Variants in ALK observed in about 807,000 individuals in gnomAD.
ALK encodes ALK receptor tyrosine kinase.
Under a neutral mutation model 163.1 loss-of-function variants are expected in ALK, and 74 were observed. The ratio of observed to expected loss-of-function variants is 0.45; its 90% CI spans 0.38 to 0.55. The LOEUF is 0.55. ALK is among the 20% of genes least tolerant of loss of function. The pLI, the probability that ALK is intolerant of heterozygous loss-of-function variation, is 0.00. For missense variants in ALK, 2,063 were observed against 2,105.3 expected (o/e 0.98, Z 0.39); for synonymous variants, 960 against 843.2 (o/e 1.14, Z -2.40).
At chr2:29,290,054 T>C (rs1373631769) in intron 9 of ALK, among the ~76,000 whole-genome samples, 1 of 152,148 alleles carries the variant, frequency 6.6e-6, no homozygotes, top group African/African-American at 2.4e-5. Flanking sequence ...CTGCAGTAAA[T>C]GTTGGTGGAC....
At chr2:29,559,261 A>G (rs977930193) in intron 3 of ALK, among the ~76,000 whole-genome samples, 56 of 152,138 alleles carry the variant, frequency 3.7e-4, no homozygotes, top group African/African-American at 1.3e-3. Flanking sequence ...CTCACTCTGT[A>G]GGTGGTTTTG....
chr2:29,863,292 G>C (rs1033716836), intron 1 of ALK, among the ~76,000 whole-genome samples: 16 of 152,174 alleles, frequency 1.1e-4, no homozygotes, highest in Admixed American at 6.5e-5. Flanking sequence ...AAGTTAAGCT[G>C]CTTCTACACA....
chr2:29,321,013 G>A (rs1667026263), intron 6 of ALK, 131 bp from the exon 7 acceptor site: 3 of 1,144,680 alleles, frequency 2.6e-6, no homozygotes, highest in South Asian at 2.5e-5. Context: ...CCAGAATGCT[G>A]GATGACTAAT....
intron 4 of ALK, among the ~76,000 whole-genome samples, chr2:29,428,763 T>C (rs1271008312): frequency 1.3e-5 from 2 of 152,028 alleles, no homozygotes; most frequent in Non-Finnish European, 2.9e-5. Context: ...CATTCTACGA[T>C]GTCAGTATTA....
chr2:29,364,118 A>G (rs531591015), intron 5 of ALK, among the ~76,000 whole-genome samples: 3 of 152,300 alleles, frequency 2.0e-5, no homozygotes, highest in East Asian at 3.9e-4. Context: ...TTGAATTAGA[A>G]TCCTTCATGG....
chr2:29,672,717 G>A (rs1023749391), intron 3 of ALK, among the ~76,000 whole-genome samples: 2 of 152,102 alleles, frequency 1.3e-5, no homozygotes, highest in East Asian at 1.9e-4. Context: ...CGGTCAAATG[G>A]TATTTCTACT....
rs57598066 is a variant in ALK at position 29,332,285 on chromosome 2, CAAAAAAAAAAAAAAAAAAAAA to C, written c.1283-3825_1283-3805del. ...TAGGAGACAGAGTGAGACTCCATCT[CAAAAAAAAAAAAAAAAAAAAA>C]AAAAAAAAAAAAAAAAAAGTCTATG... On this transcript the variant is annotated intron_variant, in intron 5 of 28. Transcript: ENST00000389048. Among the ~76,000 whole-genome samples the C allele has an allele frequency of 4.4e-4, 8 of 18,358 alleles. 1 individual carries two copies. The highest frequency in any genetic ancestry group is 4.1e-3 in the South Asian group (2 of 482). 12.0% of individuals were successfully genotyped at this position (18,358 alleles called of 152,430 possible).
intron 4 of ALK, among the ~76,000 whole-genome samples, chr2:29,438,912 C>T (rs901154031): frequency 6.6e-6 from 1 of 152,180 alleles, no homozygotes; most frequent in African/African-American, 2.4e-5. Context: ...GATGCCAGTT[C>T]TTCCCTAGGG....
At chr2:29,643,039 A>C (rs907470620) in intron 3 of ALK, among the ~76,000 whole-genome samples, 5 of 152,138 alleles carry the variant, frequency 3.3e-5, no homozygotes, top group Non-Finnish European at 5.9e-5. Context: ...ACCTAATAGA[A>C]AGTAAGAAGT....
intron 9 of ALK, among the ~76,000 whole-genome samples, chr2:29,279,287 A>T (rs1665646726): frequency 6.6e-6 from 1 of 152,186 alleles, no homozygotes; most frequent in South Asian, 2.1e-4. Flanking sequence ...CATCAGGAAG[A>T]TTCAATCAGA....
intron 2 of ALK, among the ~76,000 whole-genome samples, chr2:29,710,144 C>T (rs573443161): frequency 6.6e-6 from 1 of 152,292 alleles, no homozygotes; most frequent in South Asian, 2.1e-4. Flanking sequence ...CCTGCACATG[C>T]TCTCTTTGCC....
intron 3 of ALK, among the ~76,000 whole-genome samples, chr2:29,573,348 A>T (rs970737951): frequency 5.3e-5 from 8 of 152,244 alleles, no homozygotes; most frequent in African/African-American, 1.9e-4. Flanking sequence ...TTTGGATCAG[A>T]GGTCCGTCTG....
chr2:29,766,112 T>C (rs1680855156), intron 1 of ALK, among the ~76,000 whole-genome samples: 1 of 152,258 alleles, frequency 6.6e-6, no homozygotes, highest in African/African-American at 2.4e-5. Context: ...TATCAATGCA[T>C]AATTAACTCA....
chr2:29,502,597 G>C (rs1672215436), intron 4 of ALK, among the ~76,000 whole-genome samples: 1 of 152,080 alleles, frequency 6.6e-6, no homozygotes, highest in African/African-American at 2.4e-5. Flanking sequence ...CAAGGGCTTG[G>C]TATTAAGACA....
chr2:29,296,171 T>A (rs1488441765), intron 9 of ALK, among the ~76,000 whole-genome samples: 2 of 152,240 alleles, frequency 1.3e-5, no homozygotes, highest in African/African-American at 4.8e-5. Context: ...GTGAGGAAAC[T>A]GAGGCCCAAA....
At chr2:29,743,363 G>A (rs954791234) in intron 1 of ALK, among the ~76,000 whole-genome samples, 1 of 152,146 alleles carries the variant, frequency 6.6e-6, no homozygotes, top group African/African-American at 2.4e-5. Context: ...TGCTCATCAG[G>A]GAAGTCTCCC....
chr2:29,694,795 G>A (rs1005860695), intron 3 of ALK, 55 bp downstream of exon 3: 1 of 1,601,000 alleles, frequency 6.2e-7, no homozygotes, highest in Non-Finnish European at 8.5e-7. Context: ...ACAGAAATAG[G>A]TATTCCAGCC....
chr2:29,197,407 T>C (rs2148142752), intron 27 of ALK, 135 bp downstream of exon 27: 6 of 1,339,264 alleles, frequency 4.5e-6, no homozygotes, highest in Non-Finnish European at 6.1e-6. Flanking sequence ...CGCAGTCACA[T>C]TCGCATCTTG....
chr2:29,388,183 A>C (rs1669078961), intron 4 of ALK, among the ~76,000 whole-genome samples: 1 of 152,212 alleles, frequency 6.6e-6, no homozygotes, highest in Admixed American at 6.5e-5. Context: ...ATCTGATACA[A>C]GGCAAGCCGC....
Sources: allele counts gnomAD v4.1 joint callset (sites outside exome capture counted in the v4.1 genomes callset), GRCh38; gene constraint gnomAD v4.1.1; transcripts MANE v1.5; gene names NCBI Gene and HGNC (gene_info 2026-07-23, HGNC 2026-07-21).